The following NFKB1 variants were observed in gnomAD, a reference collection of about 807,000 sequenced individuals.
NFKB1 encodes nuclear factor NF-kappa-B p105 subunit.
NFKB1 carries 9 observed loss-of-function variants against 105.1 expected under a neutral mutation model. The ratio of observed to expected loss-of-function variants is 0.09; its 90% CI spans 0.05 to 0.15. The LOEUF is 0.15. Among genes scored for constraint, NFKB1 ranks in the 10% least tolerant of loss-of-function variants. The probability of loss-of-function intolerance (pLI) is 1.00; values close to 1 mark genes in which losing one functional copy is unlikely to be tolerated. For synonymous variants in NFKB1, 440 were observed against 442.2 expected, an observed-to-expected ratio of 1.00 and a Z score of 0.06; for missense variants, 830 against 1,203.7, an observed-to-expected ratio of 0.69 and a Z score of 4.59.
At chr4:102,545,461 G>C (rs541104457) in intron 5 of NFKB1, among the ~76,000 whole-genome samples, 1 of 152,070 alleles carries the variant, frequency 6.6e-6, no homozygotes, top group East Asian at 1.9e-4. Flanking sequence ...TCTGTGATCC[G>C]CATTTTATAA....
chr4:102,559,789 A>AG (rs1224304169), intron 5 of NFKB1, among the ~76,000 whole-genome samples: 1 of 151,710 alleles, frequency 6.6e-6, no homozygotes, highest in African/African-American at 2.4e-5. Flanking sequence ...GGAAAAAAAA[A>AG]TTAACCAGGT....
At chr4:102,537,569 T>C (rs546053139) in intron 4 of NFKB1, 1 of 228,170 alleles carries the variant, frequency 4.4e-6, no homozygotes, top group African/African-American at 2.3e-5. Context: ...GTCTAAAGCC[T>C]AAACTCTTCA....
chr4:102,501,980 T>G (rs898100030), intron 1 of NFKB1, 192 bp downstream of exon 1: 1 of 152,126 alleles, frequency 6.6e-6, no homozygotes, highest in Admixed American at 6.5e-5. Context: ...GAAAGACACA[T>G]CCGGACCTCG....
intron 10 of NFKB1, 131 bp downstream of exon 10, chr4:102,583,088 T>C: frequency 1.8e-6 from 1 of 551,716 alleles, no homozygotes; most frequent in South Asian, 3.1e-5. Flanking sequence ...TGAGGGATCC[T>C]CCTGTCTCAA....
chr4:102,580,390 T>G, intron 8 of NFKB1, 145 bp from the exon 9 acceptor site: 2 of 676,596 alleles, frequency 3.0e-6, no homozygotes, highest in Non-Finnish European at 2.6e-6. Context: ...TCAGAAGCCA[T>G]TCTTGTTTTA....
chr4:102,589,352 AC>A (rs1411469213), intron 11 of NFKB1, among the ~76,000 whole-genome samples: 1 of 152,148 alleles, frequency 6.6e-6, no homozygotes, highest in Non-Finnish European at 1.5e-5. Flanking sequence ...TTAAGATAGA[AC>A]CGATGGGGAA....
At chr4:102,596,392 C>A (rs969703890) in intron 14 of NFKB1, 60 bp downstream of exon 14, 15 of 1,346,688 alleles carry the variant, frequency 1.1e-5, no homozygotes, top group Admixed American at 9.3e-5. Context: ...GTCCTAGGTG[C>A]AGAAAGATAT....
chr4:102,615,314 A>G (rs574116643), intron 23 of NFKB1, among the ~76,000 whole-genome samples: 4 of 152,164 alleles, frequency 2.6e-5, no homozygotes, highest in Admixed American at 6.5e-5. Context: ...CTGCGCCTCC[A>G]TTCCCAAGTG....
chr4:102,579,672 T>C (rs1434895812), intron 8 of NFKB1, among the ~76,000 whole-genome samples: 1 of 148,210 alleles, frequency 6.7e-6, no homozygotes, highest in Admixed American at 6.7e-5. Flanking sequence ...TATGTATATA[T>C]ATATTAATTT....
chr4:102,548,536 A>G (rs545530393), intron 5 of NFKB1, among the ~76,000 whole-genome samples: 1 of 152,164 alleles, frequency 6.6e-6, no homozygotes, highest in African/African-American at 2.4e-5. Flanking sequence ...GGCAGCATAA[A>G]ATTAAAAGCA....
intron 4 of NFKB1, among the ~76,000 whole-genome samples, chr4:102,535,862 A>C (rs1325797742): frequency 6.6e-6 from 1 of 151,740 alleles, no homozygotes; most frequent in Non-Finnish European, 1.5e-5. Context: ...ATTAAAGATA[A>C]TGAATTGTGT....
chr4:102,509,537 G>A (rs758080351), intron 1 of NFKB1, among the ~76,000 whole-genome samples: 1 of 152,164 alleles, frequency 6.6e-6, no homozygotes, highest in African/African-American at 2.4e-5. Flanking sequence ...TTCAAGGCAA[G>A]CTACAGAAAT....
chr4:102,523,367 G>C (rs1465003228), intron 1 of NFKB1, among the ~76,000 whole-genome samples: 1 of 152,146 alleles, frequency 6.6e-6, no homozygotes, highest in Non-Finnish European at 1.5e-5. Flanking sequence ...ACTCAGAGCT[G>C]CCCTTTCCTT....
At chr4:102,579,492 G>C (rs188211184) in intron 8 of NFKB1, among the ~76,000 whole-genome samples, 3 of 151,926 alleles carry the variant, frequency 2.0e-5, no homozygotes. Context: ...TTAAATGAAT[G>C]AGTAGCATAG....
intron 8 of NFKB1, among the ~76,000 whole-genome samples, chr4:102,579,256 T>C (rs1725121590): frequency 6.6e-6 from 1 of 152,178 alleles, no homozygotes; most frequent in Non-Finnish European, 1.5e-5. Context: ...TAATTCTTTT[T>C]CCTTTGATGT....
chr4:102,524,660 G>T (rs186070816), intron 1 of NFKB1, among the ~76,000 whole-genome samples: 72 of 152,226 alleles, frequency 4.7e-4, no homozygotes, highest in Non-Finnish European at 9.6e-4. Flanking sequence ...TAGGAGACCT[G>T]AGCTGCTTTT....
At chr4:102,510,775 A>T in intron 1 of NFKB1, 1 of 213,856 alleles carries the variant, frequency 4.7e-6, no homozygotes, top group Non-Finnish European at 8.5e-6. Context: ...TTTAATATTT[A>T]AATGCTAGAT....
chr4:102,562,330 A>C (rs146232919), intron 5 of NFKB1, among the ~76,000 whole-genome samples: 98 of 152,258 alleles, frequency 6.4e-4, no homozygotes, highest in Admixed American at 4.5e-3. Flanking sequence ...AGCTCTTCTC[A>C]GTTACACTTT....
intron 1 of NFKB1, among the ~76,000 whole-genome samples, chr4:102,517,157 C>T (rs1740247150): frequency 6.6e-6 from 1 of 152,114 alleles, no homozygotes; most frequent in East Asian, 1.9e-4. Flanking sequence ...TTGTGTAAAG[C>T]CTTTCTTTGT....
Sources: gnomAD v4.1 joint callset for allele counts (sites outside exome capture counted in the v4.1 genomes callset) on GRCh38, gnomAD v4.1.1 for gene constraint, MANE v1.5 for transcripts, NCBI Gene and HGNC (gene_info 2026-07-23, HGNC 2026-07-21) for gene names.